Variants in NADK observed in about 807,000 individuals in gnomAD.
NADK encodes the protein NAD kinase.
Under a neutral mutation model 49.8 loss-of-function variants are expected in NADK, and 22 were observed. The observed-to-expected ratio is 0.44, with a 90% CI of 0.32 to 0.63. The LOEUF (loss-of-function observed/expected upper bound fraction) is 0.63. NADK is among the 30% of genes least tolerant of loss of function. The pLI, the probability that NADK is intolerant of heterozygous loss-of-function variation, is 0.06. For missense variants in NADK, 438 were observed against 609.4 expected, an observed-to-expected ratio of 0.72 and a Z score of 2.96; for synonymous variants, 268 against 253.7, an observed-to-expected ratio of 1.06 and a Z score of -0.54.
chr1:1,757,414 C>T (rs772307217), intron 3 of NADK, 104 bp from the exon 4 acceptor site: 135 of 1,089,220 alleles, frequency 1.2e-4, no homozygotes, highest in Non-Finnish European at 1.7e-4. Context: ...AAGGTGTTTT[C>T]ACCTCCCAGG....
chr1:1,763,487 C>T (rs1178980518), intron 2 of NADK, among the ~76,000 whole-genome samples: 1 of 151,962 alleles, frequency 6.6e-6, no homozygotes, highest in Non-Finnish European at 1.5e-5. Context: ...GGCGTGGTGG[C>T]ATATGCCTGT....
chr1:1,755,601 G>T, intron 6 of NADK, 125 bp from the exon 7 acceptor site: 2 of 736,078 alleles, frequency 2.7e-6, no homozygotes, highest in Non-Finnish European at 2.3e-6. Context: ...CTGCAGGAGG[G>T]ACTGGCCATG....
intron 2 of NADK, among the ~76,000 whole-genome samples, chr1:1,763,946 T>A (rs988527895): frequency 6.6e-6 from 1 of 152,080 alleles, no homozygotes; most frequent in Non-Finnish European, 1.5e-5. Flanking sequence ...GTTCACGCAG[T>A]CACTGCGCTG....
chr1:1,770,905 A>G (rs1646027431), intron 1 of NADK, among the ~76,000 whole-genome samples: 2 of 150,330 alleles, frequency 1.3e-5, no homozygotes, highest in Non-Finnish European at 1.5e-5. Flanking sequence ...AAAATTAGGC[A>G]GGCATGGTAG....
chr1:1,758,687 A>AAC (rs35357728), intron 3 of NADK: 1,238,093 of 1,388,360 alleles, frequency 0.89, 559,918 homozygotes, highest in Non-Finnish European at 0.93. Flanking sequence ...AACAAAACAA[A>AAC]ACAGTTTCCT....
At chr1:1,762,276 G>A (rs79476011) in intron 2 of NADK, among the ~76,000 whole-genome samples, 227 of 152,314 alleles carry the variant, frequency 1.5e-3, no homozygotes, top group African/African-American at 5.2e-3. Flanking sequence ...ACCCAAGCCG[G>A]GGAGAGCTTC....
chr1:1,755,850 C>T (rs866030090), intron 6 of NADK, among the ~76,000 whole-genome samples: 25 of 152,278 alleles, frequency 1.6e-4, no homozygotes, highest in Middle Eastern at 6.8e-3. Flanking sequence ...TTTCCGGTGT[C>T]ACCAACATGC....
intron 1 of NADK, among the ~76,000 whole-genome samples, chr1:1,771,217 C>G (rs1646044195): frequency 6.6e-6 from 1 of 151,326 alleles, no homozygotes; most frequent in African/African-American, 2.4e-5. Flanking sequence ...ACACTGAAAA[C>G]TACAAAATAT....
chr1:1,759,360 G>A, intron 3 of NADK: 6 of 1,350,012 alleles, frequency 4.4e-6, no homozygotes, highest in South Asian at 1.5e-5. Flanking sequence ...GCACGGAGAG[G>A]GCAGGGGGTG....
At chr1:1,759,623 G>T in intron 3 of NADK, 1 of 1,238,606 alleles carries the variant, frequency 8.1e-7, no homozygotes, top group Non-Finnish European at 1.1e-6. Context: ...TCCACAGCGG[G>T]GATGGGAAGC....
chr1:1,759,751 C>G, intron 3 of NADK: 2 of 1,555,386 alleles, frequency 1.3e-6, no homozygotes, highest in Non-Finnish European at 1.7e-6. Flanking sequence ...TCCTGCGGGG[C>G]TGTCTGGCCT....
At chr1:1,766,439 A>G (rs1452108241) in intron 1 of NADK, among the ~76,000 whole-genome samples, 9 of 134,548 alleles carry the variant, frequency 6.7e-5, no homozygotes, top group South Asian at 4.4e-4. Context: ...AAAAAAAAAA[A>G]AAAAAAAAAA....
At position 1,756,405 on chromosome 1, in the gene NADK, T is replaced by C. The variant is rs182089447; in HGVS notation, c.500-62A>G. On this transcript the variant is annotated intron_variant, in intron 5 of 11. Coordinates refer to ENST00000341426, the MANE Select transcript of NADK (RefSeq NM_023018.5). ...ACACAGTGGCCCCTCTGTGGCGCAGTGCGCAGACACCAATGACAAGGGCAA... is the reference window on the plus strand; with the variant it reads ...ACACAGTGGCCCCTCTGTGGCGCAGCGCGCAGACACCAATGACAAGGGCAA... 112 of 1,607,428 alleles carry C rather than the reference T, an allele frequency of 7.0e-5. No homozygotes were observed. The African/African-American group carries it at 7.1e-4, about 10-fold the overall frequency.
In NADK at chr1:1,754,199, A is replaced by G. The variant is rs1440795418; in HGVS notation, c.953T>C (p.Val318Ala). Residue 318 changes from valine (V) to alanine (A), a missense_variant, in exon 10 of 12, where the codon GTG (valine) becomes GCG (alanine). Physicochemically the swap from Val to Ala is moderately conservative, Grantham distance 64. Coordinates refer to ENST00000341426, the MANE Select transcript of NADK (RefSeq NM_023018.5). The surrounding 1 kb of genome is among the most constrained non-coding windows in gnomAD (Gnocchi z 4.3). ...ITTVQGDGVI[V>A]STPTGSTAYA... The stretch of plus-strand genomic sequence containing the variant: ...CGCCGTGCTGCCCGTCGGGGTGGAC[A>G]CGATCACTCCTGACAGGGACAGGCG... 6.2e-6 allele frequency: 10 copies of G among 1,612,806 alleles called. No homozygotes were observed. In the East Asian group the frequency reaches 8.9e-5, roughly 14 times the overall value.
At chr1:1,759,130 C>A in intron 3 of NADK, 1 of 1,553,922 alleles carries the variant, frequency 6.4e-7, no homozygotes, top group Non-Finnish European at 8.7e-7. Flanking sequence ...CCATTCCAGC[C>A]CTGAGGCTCA....
intron 3 of NADK, chr1:1,759,198 G>A (rs539387145): frequency 1.8e-5 from 29 of 1,572,504 alleles, no homozygotes; most frequent in South Asian, 1.2e-4. Context: ...GGCACCCACC[G>A]CTGTGTGTGA....
At chr1:1,762,116 C>A in intron 2 of NADK, 81 bp from the exon 3 acceptor site, 1 of 1,181,422 alleles carries the variant, frequency 8.5e-7, no homozygotes, top group Non-Finnish European at 1.3e-6. Flanking sequence ...GAGGAGGTTA[C>A]ACGGTAAGGC....
chr1:1,776,556 A>G (rs568063575), intron 1 of NADK, among the ~76,000 whole-genome samples: 105 of 152,218 alleles, frequency 6.9e-4, no homozygotes, highest in African/African-American at 2.4e-3. Context: ...TGGGCTGATC[A>G]CGAGGTCAGG....
At chr1:1,774,874 G>A (rs1049961570) in intron 1 of NADK, among the ~76,000 whole-genome samples, 5 of 152,116 alleles carry the variant, frequency 3.3e-5, no homozygotes, top group Admixed American at 2.6e-4. Flanking sequence ...TTGGGAGGCC[G>A]AGGCGGGCAG....
Sources: allele counts gnomAD v4.1 joint callset (sites outside exome capture counted in the v4.1 genomes callset), GRCh38; gene constraint gnomAD v4.1.1; non-coding constraint Gnocchi (gnomAD v3.1); transcripts MANE v1.5; gene names NCBI Gene and HGNC (gene_info 2026-07-23, HGNC 2026-07-21).